The following NCBP1 variants were observed in gnomAD, a reference collection of about 807,000 sequenced individuals.
The protein encoded by NCBP1 is nuclear cap binding protein subunit 1, also known as nuclear cap-binding protein subunit 1.
In NCBP1, 16 loss-of-function variants were observed where a neutral mutation model predicts 111.7. That is an observed-to-expected ratio of 0.14 (90% CI 0.10 to 0.22). The LOEUF (loss-of-function observed/expected upper bound fraction) is 0.22, where lower values mean the gene tolerates loss of function less well. Ranked by LOEUF, NCBP1 falls within the 10% of genes least tolerant of loss-of-function variation. The probability of loss-of-function intolerance (pLI) is 1.00; values close to 1 mark genes in which losing one functional copy is unlikely to be tolerated. For synonymous variants in NCBP1, 304 were observed against 314.3 expected, an observed-to-expected ratio of 0.97 and a Z score of 0.35; for missense variants, 607 against 957.5, an observed-to-expected ratio of 0.63 and a Z score of 4.83.
At position 97,650,816 on chromosome 9, in the gene NCBP1, T is replaced by G. The variant is rs373624972; in HGVS notation, c.995+216T>G. 4.0e-4 allele frequency among the ~76,000 whole-genome samples: 61 copies of G among 152,314 alleles called. 2 individuals are homozygous for G. The South Asian group carries it at 0.012, about 29-fold the overall frequency. On this transcript the variant is annotated intron_variant, in intron 9 of 22. Coordinates refer to ENST00000375147, the MANE Select transcript of NCBP1 (RefSeq NM_002486.5). ...GTGCTTTATAGTAATAAGCGTATGA[T>G]GCCAGTGTGTTTGGTGTGGATATTT... is the stretch of plus-strand genomic sequence containing the variant.
At chr9:97,644,308 C>T (rs1827277769) in intron 4 of NCBP1, among the ~76,000 whole-genome samples, 1 of 152,094 alleles carries the variant, frequency 6.6e-6, no homozygotes, top group Non-Finnish European at 1.5e-5. Flanking sequence ...ATATGCTCCC[C>T]AGCAATATCA....
At chr9:97,654,757 G>T in intron 11 of NCBP1, 123 bp from the exon 12 acceptor site, 2 of 859,580 alleles carry the variant, frequency 2.3e-6, no homozygotes, top group African/African-American at 1.7e-5. Flanking sequence ...GATTGATTGT[G>T]TGAAAAGATG....
In NCBP1 at chr9:97,634,143, C is replaced by T. The variant is rs1022480048; in HGVS notation, c.34+228C>T. On this transcript the variant is annotated intron_variant, in intron 1 of 22. Transcript: ENST00000375147. Reference sequence around the variant, plus strand: ...AAGGGCCGATCCTCGGGAAAGAAGGCCTGGTGAACCCCATGGGTAGACCCT... The same window carrying T: ...AAGGGCCGATCCTCGGGAAAGAAGGTCTGGTGAACCCCATGGGTAGACCCT... Among the ~76,000 whole-genome samples, 13 of 152,362 alleles carry T rather than the reference C, an allele frequency of 8.5e-5. No homozygotes were observed. The East Asian group carries it at 2.5e-3, about 29-fold the overall frequency.
chr9:97,656,366 G>A (rs1479735298), intron 14 of NCBP1, among the ~76,000 whole-genome samples: 1 of 152,198 alleles, frequency 6.6e-6, no homozygotes, highest in Non-Finnish European at 1.5e-5. Context: ...TGGATCACAT[G>A]ATGTGAGGAG....
intron 22 of NCBP1, among the ~76,000 whole-genome samples, chr9:97,670,545 A>G (rs1828158012): frequency 6.6e-6 from 1 of 152,192 alleles, no homozygotes; most frequent in Non-Finnish European, 1.5e-5. Flanking sequence ...TCTAAGTTCA[A>G]TTCTTTGAGC....
chr9:97,664,185 A>G (rs1827924278), intron 18 of NCBP1, among the ~76,000 whole-genome samples, 155 bp from the exon 19 acceptor site: 1 of 152,160 alleles, frequency 6.6e-6, no homozygotes, highest in African/African-American at 2.4e-5. Context: ...TCCCAAAAAA[A>G]AGACCTAATG....
chr9:97,671,315 C>A lies in NCBP1; in HGVS notation c.*116C>A. The A allele has an allele frequency of 4.0e-6, 3 of 742,820 alleles. No homozygotes were observed. Among genetic ancestry groups the A allele is most frequent in the South Asian group, 1.9e-5 (1 of 51,534 alleles). 46.0% of individuals were successfully genotyped at this position (742,820 alleles called of 1,614,324 possible). Reference sequence around the variant, plus strand: ...GTATCCTTTCACTTCTTAAAGGAAACAAAGGGGAAGAGGACAGTGAATGAA... The same window carrying A: ...GTATCCTTTCACTTCTTAAAGGAAAAAAAGGGGAAGAGGACAGTGAATGAA... On this transcript the variant is annotated 3_prime_UTR_variant, in exon 23 of 23. Transcript: ENST00000375147.
chr9:97,653,054 A>G (rs1314931155), intron 10 of NCBP1, among the ~76,000 whole-genome samples: 5 of 151,326 alleles, frequency 3.3e-5, no homozygotes, highest in Non-Finnish European at 7.4e-5. Flanking sequence ...CTGAGCATCT[A>G]TTTCAAGTAA....
chr9:97,668,721 G>C, intron 20 of NCBP1, 125 bp from the exon 21 acceptor site: 1 of 1,028,604 alleles, frequency 9.7e-7, no homozygotes, highest in African/African-American at 1.7e-5. Flanking sequence ...GGGGTGGGGG[G>C]GTACTTTCAC....
Position 97,638,963 on chromosome 9 carries a change from A to G in NCBP1, c.35-1831A>G, listed in dbSNP as rs190623479. ...ATTACATCAATTATGCTTTTTTTCA[A>G]TAAGTGAATCCTGGAAATGAAAGAC... On this transcript the variant is annotated intron_variant, in intron 1 of 22. Transcript: ENST00000375147. Among the ~76,000 whole-genome samples, 10 of 152,250 alleles carry G rather than the reference A, an allele frequency of 6.6e-5. No homozygotes were observed. The East Asian group carries it at 1.5e-3, about 23-fold the overall frequency.
At chr9:97,641,997 A>C (rs1354739499) in intron 3 of NCBP1, among the ~76,000 whole-genome samples, 1 of 152,112 alleles carries the variant, frequency 6.6e-6, no homozygotes, top group Non-Finnish European at 1.5e-5. Flanking sequence ...TTAGTACCAG[A>C]CAAATTTGGG....
intron 3 of NCBP1, among the ~76,000 whole-genome samples, chr9:97,642,806 C>G (rs367584236): frequency 2.0e-5 from 3 of 152,056 alleles, no homozygotes; most frequent in Non-Finnish European, 2.9e-5. Context: ...TGCACGCCCC[C>G]CCTTAATGAT....
chr9:97,666,860 G>A lies in NCBP1; in HGVS notation c.1999G>A (p.Ala667Thr). 2 of 1,605,892 alleles carry A rather than the reference G, an allele frequency of 1.2e-6. No homozygotes were observed. Among genetic ancestry groups the A allele is most frequent in the African/African-American group, 1.3e-5 (1 of 74,624 alleles). Reference protein sequence around the residue: ...KELEEAKEKLARQHKRRSDDD... With the variant: ...KELEEAKEKLTRQHKRRSDDD... Reference sequence around the variant, plus strand: ...GCTGGAAGAAGCTAAAGAGAAACTTGCTAGGCAACACAAACGGGTAAGTTT... The same window carrying A: ...GCTGGAAGAAGCTAAAGAGAAACTTACTAGGCAACACAAACGGGTAAGTTT... The change falls in exon 20 of 23, where the codon GCT becomes ACT. Residue 667 changes from alanine to threonine, a missense_variant. By Grantham distance (58) the Ala-to-Thr change is moderately conservative. Coordinates refer to ENST00000375147, the MANE Select transcript of NCBP1 (RefSeq NM_002486.5).
At chr9:97,665,095 G>C (rs538059781) in intron 19 of NCBP1, among the ~76,000 whole-genome samples, 39 of 152,314 alleles carry the variant, frequency 2.6e-4, no homozygotes, top group African/African-American at 9.4e-4. Flanking sequence ...CAAATTACTT[G>C]TAAAAACATA....
At chr9:97,647,601 G>A (rs1205462585) in intron 7 of NCBP1, 40 bp downstream of exon 7, 8 of 1,479,566 alleles carry the variant, frequency 5.4e-6, no homozygotes, top group Non-Finnish European at 7.5e-6. Context: ...AACACAGTCA[G>A]CTCTTGAATA....
At chr9:97,635,408 C>A (rs1309774229) in intron 1 of NCBP1, among the ~76,000 whole-genome samples, 1 of 139,508 alleles carries the variant, frequency 7.2e-6, no homozygotes, top group African/African-American at 2.9e-5. Flanking sequence ...AAATACAATT[C>A]CCTCCCTTTT....
chr9:97,647,377 T>G (rs1827371743), intron 6 of NCBP1, 115 bp from the exon 7 acceptor site: 7 of 732,150 alleles, frequency 9.6e-6, no homozygotes, highest in Non-Finnish European at 1.6e-5. Flanking sequence ...TATCTGCCAC[T>G]CCAGTAGGTA....
intron 18 of NCBP1, among the ~76,000 whole-genome samples, 176 bp from the exon 19 acceptor site, chr9:97,664,164 G>A (rs750749891): frequency 1.3e-5 from 2 of 152,032 alleles, no homozygotes; most frequent in Non-Finnish European, 2.9e-5. Flanking sequence ...AGGTGACAGA[G>A]CAACTCTGTC....
At chr9:97,661,750 T>G (rs1827843004) in intron 16 of NCBP1, among the ~76,000 whole-genome samples, 1 of 144,062 alleles carries the variant, frequency 6.9e-6, no homozygotes, top group Non-Finnish European at 1.5e-5. Context: ...TTTTTTTTTT[T>G]GGTATTAATA....
Sources: gnomAD v4.1 joint callset for allele counts (sites outside exome capture counted in the v4.1 genomes callset) on GRCh38, gnomAD v4.1.1 for gene constraint, MANE v1.5 for transcripts, NCBI Gene and HGNC (gene_info 2026-07-23, HGNC 2026-07-21) for gene names.